The following CAMTA1 variants were observed in gnomAD, a reference collection of about 807,000 sequenced individuals.
CAMTA1 encodes calmodulin-binding transcription activator 1.
In CAMTA1, 27 loss-of-function variants were observed where a neutral mutation model predicts 170.9. The ratio of observed to expected loss-of-function variants is 0.16; its 90% CI spans 0.12 to 0.22. The LOEUF (loss-of-function observed/expected upper bound fraction) is 0.22. CAMTA1 is among the 10% of genes least tolerant of loss of function. CAMTA1 has a pLI of 1.00. For synonymous variants in CAMTA1, 833 were observed against 891.5 expected (o/e 0.93, Z 1.17); for missense variants, 1,619 against 2,217.2 (o/e 0.73, Z 5.42).
intron 4 of CAMTA1, among the ~76,000 whole-genome samples, chr1:7,205,845 T>G (rs576810416): frequency 6.6e-6 from 1 of 152,350 alleles, no homozygotes; most frequent in African/African-American, 2.4e-5. Flanking sequence ...TGGTTTCATT[T>G]TTTTTCTTAC....
At chr1:7,313,159 C>T (rs1334554441) in intron 5 of CAMTA1, among the ~76,000 whole-genome samples, 1 of 152,162 alleles carries the variant, frequency 6.6e-6, no homozygotes, top group Non-Finnish European at 1.5e-5. Flanking sequence ...TCCTCTGAAT[C>T]ATAAAGGTCC....
intron 3 of CAMTA1, among the ~76,000 whole-genome samples, chr1:6,862,631 G>GC (rs753942029): frequency 6.6e-5 from 10 of 151,926 alleles, no homozygotes; most frequent in Non-Finnish European, 8.8e-5. Flanking sequence ...CCTTTTTAAT[G>GC]ATTTTTCAGA....
intron 6 of CAMTA1, among the ~76,000 whole-genome samples, chr1:7,614,482 A>G (rs114695660): frequency 0.012 from 1,802 of 152,266 alleles, 24 homozygotes; most frequent in African/African-American, 0.04. Flanking sequence ...AATGACAATC[A>G]AGTCACCGTG....
At chr1:7,593,210 A>G (rs533838958) in intron 6 of CAMTA1, among the ~76,000 whole-genome samples, 2 of 152,304 alleles carry the variant, frequency 1.3e-5, no homozygotes, top group South Asian at 2.1e-4. Flanking sequence ...TGCACAGTGA[A>G]TCACCTGGGA....
chr1:7,617,693 A>AC (rs547383108), intron 6 of CAMTA1, among the ~76,000 whole-genome samples: 1 of 53,090 alleles, frequency 1.9e-5, no homozygotes, highest in Non-Finnish European at 4.1e-5. Flanking sequence ...ATGCACACCC[A>AC]CCCCCCCACC....
intron 7 of CAMTA1, among the ~76,000 whole-genome samples, chr1:7,653,908 A>T (rs562388524): frequency 6.6e-6 from 1 of 152,266 alleles, no homozygotes; most frequent in African/African-American, 2.4e-5. Flanking sequence ...GGCTATTGTG[A>T]TTTCTATACC....
chr1:7,172,583 C>G (rs1379391046), intron 4 of CAMTA1, among the ~76,000 whole-genome samples: 1 of 152,172 alleles, frequency 6.6e-6, no homozygotes, highest in Non-Finnish European at 1.5e-5. Flanking sequence ...TTAATGAGCA[C>G]AGAGAGCCTG....
Position 7,299,801 on chromosome 1 carries a change from A to C in CAMTA1, c.438+50175A>C, listed in dbSNP as rs1199725852. 2.0e-5 allele frequency among the ~76,000 whole-genome samples: 3 copies of C among 152,162 alleles called. No homozygotes were observed. Among genetic ancestry groups the C allele is most frequent in the Non-Finnish European group, 4.4e-5 (3 of 68,018 alleles). ...TTTGGTTTGTGTCATTTTGCTTTGA[A>C]ATGTAAGTTGACTTCTGATCAGGGC... is the stretch of plus-strand genomic sequence containing the variant. On this transcript the variant is annotated intron_variant, in intron 5 of 22. Transcript: ENST00000303635. The surrounding 1 kb of genome is among the most constrained non-coding windows in gnomAD (Gnocchi z 4.7).
chr1:7,391,616 G>A (rs1232418562), intron 5 of CAMTA1, among the ~76,000 whole-genome samples: 3 of 152,176 alleles, frequency 2.0e-5, no homozygotes, highest in Non-Finnish European at 2.9e-5. Flanking sequence ...TCAATATGGA[G>A]ATGGTTTCTA....
intron 6 of CAMTA1, among the ~76,000 whole-genome samples, chr1:7,479,308 T>G (rs888968425): frequency 6.6e-6 from 1 of 152,146 alleles, no homozygotes; most frequent in African/African-American, 2.4e-5. Context: ...TACCCACAGG[T>G]GCACACAGCT....
At chr1:7,659,296 A>G (rs950975861) in intron 7 of CAMTA1, among the ~76,000 whole-genome samples, 2 of 151,964 alleles carry the variant, frequency 1.3e-5, no homozygotes, top group African/African-American at 4.9e-5. Context: ...GCACTTTGGG[A>G]GGCCAAAGGG....
In CAMTA1 at chr1:7,448,995, C is replaced by T. The variant is rs377358510; in HGVS notation, c.439-18835C>T. On this transcript the variant is annotated intron_variant, in intron 5 of 22. Coordinates refer to ENST00000303635, the MANE Select transcript of CAMTA1 (RefSeq NM_015215.4). ...TACAGAAGCAAAATGTTTCCCAAAA[C>T]AAACAATAACCTGTCGTGAACATTG... Among the ~76,000 whole-genome samples the T allele has an allele frequency of 2.6e-5, 4 of 152,340 alleles. No homozygotes were observed. The East Asian group carries it at 7.7e-4, about 29-fold the overall frequency.
At chr1:7,730,503 C>T (rs1265945050) in intron 11 of CAMTA1, among the ~76,000 whole-genome samples, 3 of 152,314 alleles carry the variant, frequency 2.0e-5, no homozygotes, top group East Asian at 1.9e-4. Flanking sequence ...CTCCTTATTA[C>T]GTTATCCTGC....
chr1:7,008,523 G>A (rs904266048), intron 3 of CAMTA1: 2 of 152,174 alleles, frequency 1.3e-5, no homozygotes, highest in Admixed American at 1.3e-4. Flanking sequence ...GGAGGCTCAG[G>A]GGCCGGCAAG....
intron 3 of CAMTA1, among the ~76,000 whole-genome samples, chr1:6,962,136 C>T (rs1215756739): frequency 6.6e-6 from 1 of 152,232 alleles, no homozygotes; most frequent in African/African-American, 2.4e-5. Flanking sequence ...TCTGCCGGGG[C>T]CCCGATTTAT....
At chr1:7,502,820 C>T (rs1428912204) in intron 6 of CAMTA1, among the ~76,000 whole-genome samples, 2 of 152,194 alleles carry the variant, frequency 1.3e-5, no homozygotes, top group Non-Finnish European at 2.9e-5. Flanking sequence ...CCAGAGATCA[C>T]CCCTGTACTT....
At chr1:7,054,737 C>T (rs1205379724) in intron 3 of CAMTA1, among the ~76,000 whole-genome samples, 1 of 152,226 alleles carries the variant, frequency 6.6e-6, no homozygotes, top group Non-Finnish European at 1.5e-5. Flanking sequence ...GGGAGAGCAG[C>T]CTCTGGCCTT....
intron 3 of CAMTA1, among the ~76,000 whole-genome samples, chr1:6,953,799 A>G (rs763624504): frequency 6.6e-6 from 1 of 151,916 alleles, no homozygotes; most frequent in Non-Finnish European, 1.5e-5. Context: ...CGTACAGCAC[A>G]TAATCCTACA....
intron 3 of CAMTA1, among the ~76,000 whole-genome samples, chr1:6,995,444 C>T (rs1232363029): frequency 1.3e-5 from 2 of 151,776 alleles, no homozygotes; most frequent in African/African-American, 4.8e-5. Flanking sequence ...ACTGAGACTA[C>T]AGACCTGCGC....
Sources: allele counts gnomAD v4.1 joint callset (sites outside exome capture counted in the v4.1 genomes callset), GRCh38; gene constraint gnomAD v4.1.1; non-coding constraint Gnocchi (gnomAD v3.1); transcripts MANE v1.5; gene names NCBI Gene and HGNC (gene_info 2026-07-23, HGNC 2026-07-21).